KIF13B: variants seen among roughly 807,000 people sequenced by gnomAD.
KIF13B encodes the protein kinesin family member 13B.
In KIF13B, 127 loss-of-function variants were observed where a neutral mutation model predicts 222.0. That is an observed-to-expected ratio of 0.57 (90% CI 0.50 to 0.66). The LOEUF is 0.66. KIF13B is among the 30% of genes least tolerant of loss of function. KIF13B has a pLI of 0.00. For missense variants in KIF13B, 2,173 were observed against 2,379.0 expected (o/e 0.91, Z 1.80); for synonymous variants, 976 against 919.0 (o/e 1.06, Z -1.12).
chr8:29,092,816 T>G lies in KIF13B; in HGVS notation c.4387A>C (p.Lys1463Gln). Reference protein sequence around the residue: ...PVKSFVPQMPKLLKSLFPVRD... With the variant: ...PVKSFVPQMPQLLKSLFPVRD... The stretch of plus-strand genomic sequence containing the variant: ...ACGGGAAAGAGAGACTTGAGGAGCT[T>G]TGGCATTTGCGGCACGAAGGATTTG... Residue 1463 changes from lysine (K) to glutamine (Q), a missense_variant, in exon 37 of 40, where the codon AAG becomes CAG. Physicochemically the swap from Lys to Gln is moderately conservative, Grantham distance 53 (BLOSUM62 1). Transcript: ENST00000524189. 6.2e-7 allele frequency: 1 copy of G among 1,613,254 alleles called. No individual in the cohort carries two copies. The highest frequency in any genetic ancestry group is 8.5e-7 in the Non-Finnish European group (1 of 1,179,654).
At chr8:29,213,065 C>A (rs1198869668) in intron 2 of KIF13B, among the ~76,000 whole-genome samples, 15 of 151,948 alleles carry the variant, frequency 9.9e-5, no homozygotes. Flanking sequence ...AGTAAGCAGC[C>A]CTCATTCAGT....
chr8:29,228,472 A>AAAAAATATATATATATATATAT, intron 2 of KIF13B, among the ~76,000 whole-genome samples: 1 of 117,084 alleles, frequency 8.5e-6, no homozygotes, highest in East Asian at 2.1e-4. Context: ...ATCTTAAAAA[A>AAAAAATATATATATATATATAT]ATATATATAT....
intron 14 of KIF13B, among the ~76,000 whole-genome samples, chr8:29,153,137 T>C (rs1304495823): frequency 3.3e-5 from 5 of 152,220 alleles, no homozygotes; most frequent in African/African-American, 1.2e-4. Context: ...GTATGAAGTA[T>C]TAGAGATCAA....
intron 3 of KIF13B, among the ~76,000 whole-genome samples, chr8:29,193,986 T>TTG (rs975010356): frequency 2.7e-5 from 4 of 150,832 alleles, no homozygotes; most frequent in African/African-American, 9.7e-5. Flanking sequence ...CCTGGCTTTT[T>TTG]TTTTTTTTTT....
intron 2 of KIF13B, among the ~76,000 whole-genome samples, chr8:29,240,317 C>A: frequency 6.6e-6 from 1 of 150,824 alleles, no homozygotes. Context: ...CACCATGCAC[C>A]CGCAGCAGGG....
At chr8:29,182,095 T>A (rs191281506) in intron 6 of KIF13B, 89 bp from the exon 7 acceptor site, 8 of 948,024 alleles carry the variant, frequency 8.4e-6, no homozygotes, top group African/African-American at 8.3e-5. Context: ...ATACAATGAA[T>A]CCAAGAAAGA....
At chr8:29,258,792 T>C (rs1377428250) in intron 1 of KIF13B, among the ~76,000 whole-genome samples, 2 of 152,302 alleles carry the variant, frequency 1.3e-5, no homozygotes, top group East Asian at 1.9e-4. Context: ...TTCCCTGTCA[T>C]TCACCTGGCA....
At chr8:29,173,511 C>T (rs1812340228) in intron 10 of KIF13B, among the ~76,000 whole-genome samples, 1 of 149,120 alleles carries the variant, frequency 6.7e-6, no homozygotes, top group Non-Finnish European at 1.5e-5. Flanking sequence ...GTCCCAACTA[C>T]TAAAGGAGGC....
At chr8:29,180,330 C>T (rs1812660102) in intron 7 of KIF13B, 92 bp from the exon 8 acceptor site, 2 of 1,310,374 alleles carry the variant, frequency 1.5e-6, no homozygotes, top group African/African-American at 2.9e-5. Context: ...GCAAGTTTTG[C>T]TACTTAGTCA....
At chr8:29,193,981 C>CTTTT (rs59285182) in intron 3 of KIF13B, among the ~76,000 whole-genome samples, 1 of 134,054 alleles carries the variant, frequency 7.5e-6, no homozygotes, top group Non-Finnish European at 1.6e-5. Flanking sequence ...CCACGCCTGG[C>CTTTT]TTTTTTTTTT....
In KIF13B at chr8:29,072,044, G is replaced by A. The variant is rs998924852; in HGVS notation, c.4794C>T (p.Ala1598=). Residue 1598 remains alanine, a synonymous_variant, in exon 39 of 40, where the codon GCC becomes GCT. Coordinates refer to ENST00000524189, the MANE Select transcript of KIF13B (RefSeq NM_015254.4). ...AAAPPGSMPT[A]PEAEPEAPIS... is the part of the protein sequence containing the mutation. ...TGGGCGCCTCGGGCTCGGCCTCAGG[G>A]GCGGTGGGCATGGACCCCGGCGGGG... 7 of 1,302,022 alleles carry A rather than the reference G, an allele frequency of 5.4e-6. 1 individual carries two copies. The highest frequency in any genetic ancestry group is 6.8e-6 in the Non-Finnish European group (7 of 1,026,966). 80.7% of individuals were successfully genotyped at this position (1,302,022 alleles called of 1,614,324 possible).
chr8:29,146,256 G>A (rs1483289043), intron 18 of KIF13B, 122 bp downstream of exon 18: 2 of 955,312 alleles, frequency 2.1e-6, no homozygotes, highest in South Asian at 1.3e-5. Flanking sequence ...AAAGCATGGA[G>A]GACAAAGGAT....
At chr8:29,198,558 A>C (rs1261885264) in intron 2 of KIF13B, among the ~76,000 whole-genome samples, 1 of 152,082 alleles carries the variant, frequency 6.6e-6, no homozygotes, top group African/African-American at 2.4e-5. Context: ...CTTGATCTCA[A>C]GTGATCCGCC....
At chr8:29,105,698 G>A (rs773237814) in intron 35 of KIF13B, among the ~76,000 whole-genome samples, 4 of 110,408 alleles carry the variant, frequency 3.6e-5, no homozygotes, top group Middle Eastern at 0.012. Context: ...TCGCTCTGTC[G>A]CCCAGGCTGG....
intron 3 of KIF13B, among the ~76,000 whole-genome samples, chr8:29,192,900 G>C (rs1813249181): frequency 6.6e-6 from 1 of 151,848 alleles, no homozygotes; most frequent in African/African-American, 2.4e-5. Context: ...TGAAAAAATA[G>C]TTCCAATGAA....
chr8:29,119,597 A>G (rs1446958591), intron 29 of KIF13B, among the ~76,000 whole-genome samples: 3 of 152,164 alleles, frequency 2.0e-5, no homozygotes, highest in Non-Finnish European at 2.9e-5. Flanking sequence ...CCAGACTAAC[A>G]CGTCTTCCTT....
intron 37 of KIF13B, among the ~76,000 whole-genome samples, chr8:29,085,806 C>T: frequency 8.5e-6 from 1 of 117,112 alleles, no homozygotes; most frequent in South Asian, 2.7e-4. Context: ...GCTGTGATAG[C>T]ACCATTGCAC....
chr8:29,195,645 G>C (rs1813384121), intron 3 of KIF13B, among the ~76,000 whole-genome samples: 1 of 152,218 alleles, frequency 6.6e-6, no homozygotes, highest in Non-Finnish European at 1.5e-5. Context: ...TTCAAGCAGG[G>C]CTCCACATTC....
chr8:29,191,536 GACTT>G (rs549574708), intron 3 of KIF13B, among the ~76,000 whole-genome samples: 27 of 152,156 alleles, frequency 1.8e-4, no homozygotes, highest in African/African-American at 5.3e-4. Flanking sequence ...GGGTATAGAA[GACTT>G]ACTAATTTAA....
Sources: allele counts gnomAD v4.1 joint callset (sites outside exome capture counted in the v4.1 genomes callset), GRCh38; gene constraint gnomAD v4.1.1; transcripts MANE v1.5; gene names NCBI Gene and HGNC (gene_info 2026-07-23, HGNC 2026-07-21).